The following NR6A1 variants were observed in gnomAD, a reference collection of about 807,000 sequenced individuals.
NR6A1 encodes the protein nuclear receptor subfamily 6 group A member 1.
In NR6A1, 7 loss-of-function variants were observed where a neutral mutation model predicts 59.1. The observed-to-expected ratio is 0.12, with a 90% CI of 0.07 to 0.22. The LOEUF (loss-of-function observed/expected upper bound fraction) is 0.22, where lower values mean the gene tolerates loss of function less well. NR6A1 is among the 10% of genes least tolerant of loss of function. The pLI, the probability that NR6A1 is intolerant of heterozygous loss-of-function variation, is 1.00. For missense variants in NR6A1, 468 were observed against 611.6 expected (o/e 0.77, Z 2.48); for synonymous variants, 243 against 236.1 (o/e 1.03, Z -0.27).
chr9:124,750,588 G>A (rs1840471633), intron 1 of NR6A1, among the ~76,000 whole-genome samples: 1 of 151,966 alleles, frequency 6.6e-6, no homozygotes, highest in Non-Finnish European at 1.5e-5. Context: ...GTGAAACCCC[G>A]TCTCTACTAA....
chr9:124,621,830 G>A (rs1241353425), intron 2 of NR6A1, among the ~76,000 whole-genome samples: 1 of 152,108 alleles, frequency 6.6e-6, no homozygotes, highest in Non-Finnish European at 1.5e-5. Context: ...ACACAGAAAT[G>A]TTTTTGAGGG....
At chr9:124,746,415 C>G (rs1345712240) in intron 1 of NR6A1, among the ~76,000 whole-genome samples, 2 of 152,044 alleles carry the variant, frequency 1.3e-5, no homozygotes, top group African/African-American at 2.4e-5. Context: ...ACGGTGAAAC[C>G]CCATCTCTAC....
chr9:124,726,430 C>A (rs1487149962), intron 2 of NR6A1, among the ~76,000 whole-genome samples: 7 of 152,148 alleles, frequency 4.6e-5, no homozygotes, highest in Non-Finnish European at 1.0e-4. Context: ...TATTGGGGAG[C>A]AAAACCTTTA....
intron 3 of NR6A1, among the ~76,000 whole-genome samples, chr9:124,546,771 T>C (rs1781320704): frequency 6.6e-6 from 1 of 152,232 alleles, no homozygotes; most frequent in South Asian, 2.1e-4. Context: ...CCACACTGCC[T>C]CTGTTAAAAA....
intron 8 of NR6A1, 133 bp from the exon 9 acceptor site, chr9:124,525,006 C>T (rs1267044806): frequency 1.3e-5 from 13 of 1,033,270 alleles, no homozygotes; most frequent in Non-Finnish European, 1.8e-5. Context: ...CAGGAGATCT[C>T]CTCTGATAGG....
chr9:124,638,720 A>G (rs1042073086), intron 2 of NR6A1, among the ~76,000 whole-genome samples: 3 of 152,210 alleles, frequency 2.0e-5, no homozygotes, highest in African/African-American at 7.2e-5. Flanking sequence ...TTAAAATGGA[A>G]TAAATAATGA....
At chr9:124,728,048 A>C (rs1000049977) in intron 2 of NR6A1, among the ~76,000 whole-genome samples, 2 of 148,892 alleles carry the variant, frequency 1.3e-5, no homozygotes, top group African/African-American at 5.0e-5. Context: ...TTTTCTTGAG[A>C]CATAGTCTCA....
chr9:124,681,093 A>T (rs1038174667), intron 2 of NR6A1, among the ~76,000 whole-genome samples: 9 of 152,236 alleles, frequency 5.9e-5, no homozygotes, highest in African/African-American at 2.2e-4. Flanking sequence ...TCTGTGTGAC[A>T]AAACAGTAGG....
intron 2 of NR6A1, among the ~76,000 whole-genome samples, chr9:124,611,134 T>A (rs1835729176): frequency 6.7e-6 from 1 of 149,824 alleles, no homozygotes; most frequent in African/African-American, 2.5e-5. Flanking sequence ...TAAGATACAA[T>A]AACTTTCTTT....
intron 7 of NR6A1, among the ~76,000 whole-genome samples, chr9:124,535,072 C>T (rs1489927567): frequency 6.6e-6 from 1 of 151,656 alleles, no homozygotes; most frequent in Non-Finnish European, 1.5e-5. Flanking sequence ...TGCAGTGAGC[C>T]AAGATTGCAC....
rs895642099 is a variant in NR6A1, at chr9:124,602,623, A to G, written c.143-48053T>C. ...CAGCCCTCACTTCTCTGGTTGTTTCATTTGTTCATACATCCATCTACCTGA... is the reference window on the plus strand; with the variant it reads ...CAGCCCTCACTTCTCTGGTTGTTTCGTTTGTTCATACATCCATCTACCTGA... On this transcript the variant is annotated intron_variant, in intron 2 of 9. Coordinates refer to ENST00000487099, the MANE Select transcript of NR6A1 (RefSeq NM_033334.4). 2.0e-5 allele frequency among the ~76,000 whole-genome samples: 3 copies of G among 152,146 alleles called. No individual in the cohort carries two copies. In the East Asian group the frequency reaches 5.8e-4, roughly 29 times the overall value.
intron 2 of NR6A1, among the ~76,000 whole-genome samples, chr9:124,564,539 T>C (rs555566798): frequency 6.6e-6 from 1 of 152,330 alleles, no homozygotes; most frequent in Admixed American, 6.5e-5. Context: ...AACTGTAATA[T>C]ACTTATTTAA....
At chr9:124,628,589 G>A (rs1189189508) in intron 2 of NR6A1, among the ~76,000 whole-genome samples, 5 of 150,424 alleles carry the variant, frequency 3.3e-5, no homozygotes, top group African/African-American at 7.3e-5. Context: ...TGATCCGTCC[G>A]CCTTGGCTCC....
intron 6 of NR6A1, 64 bp downstream of exon 6, chr9:124,538,028 G>C: frequency 7.3e-7 from 1 of 1,366,506 alleles, no homozygotes; most frequent in Non-Finnish European, 1.0e-6. Flanking sequence ...CCAGGGACGC[G>C]AGTGGGTGTG....
chr9:124,655,935 GT>G (rs1325222645), intron 2 of NR6A1, among the ~76,000 whole-genome samples: 2 of 152,208 alleles, frequency 1.3e-5, no homozygotes, highest in African/African-American at 4.8e-5. Flanking sequence ...GGTTGCTACA[GT>G]TTGGATGTAA....
At chr9:124,648,547 G>A (rs1055777794) in intron 2 of NR6A1, among the ~76,000 whole-genome samples, 3 of 152,060 alleles carry the variant, frequency 2.0e-5, no homozygotes, top group East Asian at 1.9e-4. Flanking sequence ...CATGAATGCC[G>A]ACTTTCATCC....
At chr9:124,657,742 C>A (rs1837302180) in intron 2 of NR6A1, among the ~76,000 whole-genome samples, 1 of 143,318 alleles carries the variant, frequency 7.0e-6, no homozygotes, top group South Asian at 2.2e-4. Flanking sequence ...TTCATAGCTT[C>A]CCCCCCCCAG....
At chr9:124,737,955 A>G (rs1394342397) in intron 1 of NR6A1, among the ~76,000 whole-genome samples, 1 of 152,102 alleles carries the variant, frequency 6.6e-6, no homozygotes, top group Admixed American at 6.5e-5. Context: ...CGCCATCTCT[A>G]CTAGAAATAC....
chr9:124,603,232 G>C (rs1006689677), intron 2 of NR6A1, among the ~76,000 whole-genome samples: 1 of 152,166 alleles, frequency 6.6e-6, no homozygotes, highest in African/African-American at 2.4e-5. Context: ...GCTGTCTTCA[G>C]TTTAGTATTT....
Sources: gnomAD v4.1 joint callset for allele counts (sites outside exome capture counted in the v4.1 genomes callset) on GRCh38, gnomAD v4.1.1 for gene constraint, MANE v1.5 for transcripts, NCBI Gene and HGNC (gene_info 2026-07-23, HGNC 2026-07-21) for gene names.